MED23: variants seen among roughly 807,000 people sequenced by gnomAD.
The protein encoded by MED23 is mediator complex subunit 23.
MED23 carries 105 observed loss-of-function variants against 163.9 expected under a neutral mutation model. The ratio of observed to expected loss-of-function variants is 0.64; its 90% confidence interval spans 0.55 to 0.75. The LOEUF is 0.75. Ranked by LOEUF, MED23 falls within the 30% of genes least tolerant of loss-of-function variation. MED23 has a pLI of 0.00. For synonymous variants in MED23, 561 were observed against 565.6 expected, an observed-to-expected ratio of 0.99 and a Z score of 0.12; for missense variants, 1,054 against 1,649.0, an observed-to-expected ratio of 0.64 and a Z score of 6.25.
exon 31 of MED23, chr6:131,574,270 C>T (rs1240046514): frequency 6.2e-7 from 1 of 1,613,932 alleles, no homozygotes; most frequent in Non-Finnish European, 8.5e-7. Context: ...TAATTTGGAA[C>T]CCTTGCTGTG....
intron 10 of MED23, chr6:131,615,277 G>A: frequency 6.2e-7 from 1 of 1,602,910 alleles, no homozygotes; most frequent in Non-Finnish European, 8.5e-7. Context: ...CTACAAAGCG[G>A]CCAGCGTATC....
chr6:131,621,822 TA>T, intron 6 of MED23, 58 bp downstream of exon 6: 1 of 1,204,566 alleles, frequency 8.3e-7, no homozygotes, highest in Non-Finnish European at 1.2e-6. Context: ...AGCACAGACC[TA>T]AACAAAGCTA....
intron 20 of MED23, among the ~76,000 whole-genome samples, chr6:131,597,475 CAAAA>C (rs59083644): frequency 1.7e-4 from 9 of 53,752 alleles, no homozygotes; most frequent in Admixed American, 1.4e-3. Flanking sequence ...GACTCCATAT[CAAAA>C]AAAAAAAAAA....
In MED23 at chr6:131,598,177, A is replaced by T; in HGVS notation, c.2607+110T>A. The T allele has an allele frequency of 9.3e-7, 1 of 1,076,206 alleles. No homozygotes were observed. The highest frequency in any genetic ancestry group is 1.4e-6 in the Non-Finnish European group (1 of 717,844). The allele number at this position is 1,076,206 out of a possible 1,614,324, so 66.7% of individuals were successfully genotyped here. Reference sequence around the variant, plus strand: ...GGGAAGTGACAGCAATGCTTGATATAGTATAAATTCATTAAATCCTTCAAA... The same window carrying T: ...GGGAAGTGACAGCAATGCTTGATATTGTATAAATTCATTAAATCCTTCAAA... On this transcript the variant is annotated intron_variant, in intron 20 of 28. Transcript: ENST00000368068. This position sits in a 1 kb window ranked among gnomAD's most constrained non-coding sequence, Gnocchi z 4.7.
rs774019612 is a variant in MED23 at position 131,627,494 on chromosome 6, A to T, written c.72-11T>A. ...GTATCCATAAACATGCTAAAAAAAT[A>T]AAAATTACATTATTTGTCATTCGTT... On this transcript the variant is annotated splice_polypyrimidine_tract_variant and intron_variant, in intron 2 of 28. Coordinates refer to ENST00000368068, the MANE Select transcript of MED23 (RefSeq NM_004830.4). 4.4e-6 allele frequency: 7 copies of T among 1,609,034 alleles called. No homozygotes were observed. The South Asian group carries it at 6.6e-5, about 15-fold the overall frequency.
chr6:131,592,358 A>G (rs775451207), intron 25 of MED23, 30 bp downstream of exon 25: 3 of 1,595,024 alleles, frequency 1.9e-6, no homozygotes, highest in Non-Finnish European at 2.6e-6. Context: ...GTATTTCATC[A>G]CTAAGTACAA....
At chr6:131,627,157 T>C (rs970005094) in intron 3 of MED23, 4 of 268,644 alleles carry the variant, frequency 1.5e-5, no homozygotes, top group East Asian at 1.2e-4. Context: ...ATAGGGGAGG[T>C]TTTTTTTTTT....
chr6:131,625,218 A>G (rs1389547345), intron 3 of MED23, among the ~76,000 whole-genome samples: 1 of 152,250 alleles, frequency 6.6e-6, no homozygotes, highest in Non-Finnish European at 1.5e-5. Flanking sequence ...TACCATTTTT[A>G]TTACATGGGA....
In MED23 at chr6:131,615,955, C is replaced by T; in HGVS notation, c.828G>A (p.Gln276=). 1 of 1,613,870 alleles carries T rather than the reference C, an allele frequency of 6.2e-7. No individual in the cohort carries two copies. Among genetic ancestry groups the T allele is most frequent in the Non-Finnish European group, 8.5e-7 (1 of 1,179,886 alleles). Residue 276 remains glutamine, a synonymous_variant, in exon 10 of 29, where the codon CAG becomes CAA. Coordinates refer to ENST00000368068, the MANE Select transcript of MED23 (RefSeq NM_004830.4). ...QTALLRYVLE[Q]PYSRDMVCNM... is the part of the protein sequence containing the mutation. The stretch of plus-strand genomic sequence containing the variant: ...TGCAGACCATATCCCTGGAATAAGG[C>T]TGCTCCAATACATATCTCAACAAAG...
At chr6:131,624,449 G>A in intron 4 of MED23, among the ~76,000 whole-genome samples, 1 of 152,182 alleles carries the variant, frequency 6.6e-6, no homozygotes, top group East Asian at 1.9e-4. Context: ...GAGTGGGGAA[G>A]CTTTTGCCAT....
chr6:131,587,708 C>T lies in MED23; in HGVS notation c.4078G>A (p.Val1360Met), dbSNP rs762236596. 1 of 1,614,008 alleles carries T rather than the reference C, an allele frequency of 6.2e-7. No individual in the cohort carries two copies. Among genetic ancestry groups the T allele is most frequent in the African/African-American group, 1.3e-5 (1 of 74,920 alleles). Reference protein sequence around the residue: ...SGSPAPQSNQVPVSLPVTQ With the variant: ...SGSPAPQSNQMPVSLPVTQ The stretch of plus-strand genomic sequence containing the variant: ...TGAGTTACTGGTAAAGACACGGGCA[C>T]CTGATTAGACTGAGGTGCTGGAGAC... The change falls in exon 29 of 29, where the codon GTG (valine) becomes ATG (methionine). Residue 1360 changes from valine to methionine, a missense_variant. Coordinates refer to ENST00000368068, the MANE Select transcript of MED23 (RefSeq NM_004830.4).
intron 28 of MED23, among the ~76,000 whole-genome samples, 165 bp from the exon 29 acceptor site, chr6:131,588,011 G>C (rs960794997): frequency 6.6e-6 from 1 of 152,116 alleles, no homozygotes; most frequent in Non-Finnish European, 1.5e-5. Flanking sequence ...CAGATACAAT[G>C]ATTTCTTTCT....
intron 4 of MED23, among the ~76,000 whole-genome samples, chr6:131,624,122 T>G (rs1010261684): frequency 6.6e-6 from 1 of 152,218 alleles, no homozygotes; most frequent in African/African-American, 2.4e-5. Context: ...TCCAACAGGA[T>G]GGCAACAAGA....
At chr6:131,577,198 G>A (rs549440874) in intron 30 of MED23, among the ~76,000 whole-genome samples, 14 of 152,166 alleles carry the variant, frequency 9.2e-5, no homozygotes, top group Non-Finnish European at 1.8e-4. Flanking sequence ...GCAAATTTAC[G>A]TATATTTTTA....
chr6:131,616,038 C>G (rs1348978023), intron 9 of MED23, 36 bp from the exon 10 acceptor site: 1 of 1,477,476 alleles, frequency 6.8e-7, no homozygotes, highest in East Asian at 2.3e-5. Context: ...GCTTCAAGAT[C>G]AATGTCAACA....
intron 18 of MED23, among the ~76,000 whole-genome samples, 192 bp downstream of exon 18, chr6:131,599,846 C>T (rs1775335629): frequency 6.6e-6 from 1 of 151,944 alleles, no homozygotes; most frequent in Admixed American, 6.6e-5. Flanking sequence ...GGGCTCAAGC[C>T]ATCCCCCTTG....
chr6:131,594,441 A>C, intron 22 of MED23, 106 bp from the exon 23 acceptor site: 1 of 873,144 alleles, frequency 1.1e-6, no homozygotes, highest in Non-Finnish European at 2.0e-6. Flanking sequence ...CAGAAGATTT[A>C]TGAAACAACT....
At chr6:131,582,607 C>T (rs1773983345), downstream of MED23, 24 of 1,602,932 alleles carry the variant, frequency 1.5e-5, no homozygotes, top group African/African-American at 1.6e-4. Flanking sequence ...CAAGTGAAAA[C>T]ATTGTAATTT....
At chr6:131,621,260 T>C (rs536358644) in intron 6 of MED23, among the ~76,000 whole-genome samples, 98 of 152,292 alleles carry the variant, frequency 6.4e-4, no homozygotes, top group Admixed American at 1.6e-3. Flanking sequence ...GTGACTATGG[T>C]TAATAACGAT....
Sources: allele counts gnomAD v4.1 joint callset (sites outside exome capture counted in the v4.1 genomes callset), GRCh38; gene constraint gnomAD v4.1.1; non-coding constraint Gnocchi (gnomAD v3.1); transcripts MANE v1.5; gene names NCBI Gene and HGNC (gene_info 2026-07-23, HGNC 2026-07-21).